OR2M3: variants seen among roughly 807,000 people sequenced by gnomAD.
The protein encoded by OR2M3 is olfactory receptor family 2 subfamily M member 3.
OR2M3 carries 1 observed loss-of-function variant against 4.3 expected under a neutral mutation model. The ratio of observed to expected loss-of-function variants is 0.23; its 90% confidence interval spans 0.08 to 1.11. OR2M3 has a LOEUF of 1.11. Among genes scored for constraint, OR2M3 ranks in the 50% most tolerant of loss-of-function variants. The pLI, the probability that OR2M3 is intolerant of heterozygous loss-of-function variation, is 0.54. For missense variants in OR2M3, 410 were observed against 390.4 expected (o/e 1.05, Z -0.42); for synonymous variants, 151 against 139.4 (o/e 1.08, Z -0.59).
chr1:248,201,183 C>T (rs192714858), intron 1 of OR2M3, among the ~76,000 whole-genome samples: 303 of 152,024 alleles, frequency 2.0e-3, no homozygotes, highest in African/African-American at 6.9e-3. Flanking sequence ...ATTTTAAAAC[C>T]CTGTGTTTTC....
intron 1 of OR2M3, among the ~76,000 whole-genome samples, chr1:248,202,449 T>C (rs1005447289): frequency 1.3e-5 from 2 of 152,184 alleles, no homozygotes; most frequent in African/African-American, 4.8e-5. Flanking sequence ...GAAATACAAC[T>C]CAATCCGTAA....
intron 1 of OR2M3, among the ~76,000 whole-genome samples, chr1:248,202,094 T>C (rs927133959): frequency 2.6e-5 from 4 of 152,180 alleles, no homozygotes; most frequent in Admixed American, 2.6e-4. Context: ...AATTTTATTC[T>C]CTCACAGTTT....
intron 1 of OR2M3, among the ~76,000 whole-genome samples, chr1:248,198,833 T>C (rs1666126103): frequency 6.6e-6 from 1 of 152,184 alleles, no homozygotes. Flanking sequence ...TCATAACTTC[T>C]GTGTTACTAT....
rs1666222228 is a variant in OR2M3 at position 248,206,168 on chromosome 1, G to A, written c.*2162G>A. On this transcript the variant is annotated 3_prime_UTR_variant, in exon 2 of 2. Coordinates refer to ENST00000641626, the MANE Select transcript of OR2M3 (RefSeq NM_001004689.2). ...ATTAATTGTGTGTCCTGAAACTGTT[G>A]AATTTATTTACCAGTTCTAGGAGCT... The A allele has an allele frequency of 6.6e-6, 1 of 151,982 alleles. No individual in the cohort carries two copies. The highest frequency in any genetic ancestry group is 1.5e-5 in the Non-Finnish European group (1 of 67,924). 9.4% of individuals were successfully genotyped at this position (151,982 alleles called of 1,614,324 possible). A position where few individuals can be genotyped will look rare whatever the true frequency, so the allele number is the denominator to read the frequency against.
chr1:248,197,847 A>C (rs1390753190), intron 1 of OR2M3, among the ~76,000 whole-genome samples: 1 of 152,126 alleles, frequency 6.6e-6, no homozygotes, highest in Non-Finnish European at 1.5e-5. Context: ...ATACTGCATA[A>C]AATTACCTTC....
chr1:248,202,476 A>G (rs1300992853), intron 1 of OR2M3, among the ~76,000 whole-genome samples: 2 of 152,194 alleles, frequency 1.3e-5, no homozygotes, highest in Non-Finnish European at 2.9e-5. Flanking sequence ...GCTATGGAAA[A>G]AATGGCCTAG....
intron 1 of OR2M3, among the ~76,000 whole-genome samples, chr1:248,199,806 T>C (rs1666136387): frequency 6.6e-6 from 1 of 152,084 alleles, no homozygotes; most frequent in Admixed American, 6.6e-5. Flanking sequence ...GCAAACTCAA[T>C]GAAGACAATT....
chr1:248,209,031 T>C lies in OR2M3; in HGVS notation c.*5025T>C, dbSNP rs1297294404. The C allele has an allele frequency of 1.3e-5, 2 of 152,186 alleles. No homozygotes were observed. The highest frequency in any genetic ancestry group is 2.9e-5 in the Non-Finnish European group (2 of 68,034). The allele number at this position is 152,186 out of a possible 1,614,324, so 9.4% of individuals were successfully genotyped here. On this transcript the variant is annotated 3_prime_UTR_variant, in exon 2 of 2. Transcript: ENST00000641626. ...GGCTTTGTTTTTAGGTTTTTTTTCT[T>C]GTCTTGAATGAACTGGGTTAATTTG...
Position 248,210,071 on chromosome 1 carries a change from A to G in OR2M3, c.*6065A>G, listed in dbSNP as rs997443086. The G allele has an allele frequency of 6.6e-6, 1 of 151,706 alleles. No individual in the cohort carries two copies. Among genetic ancestry groups the G allele is most frequent in the African/African-American group, 2.4e-5 (1 of 41,018 alleles). The allele number at this position is 151,706 out of a possible 1,614,324, so 9.4% of individuals were successfully genotyped here. ...CCATTGGAGTTATATTCCTAGGGAG[A>G]TTATGGCTGCCTCTGCTGCAACACA... is the stretch of plus-strand genomic sequence containing the variant. On this transcript the variant is annotated 3_prime_UTR_variant, in exon 2 of 2. Coordinates refer to ENST00000641626, the MANE Select transcript of OR2M3 (RefSeq NM_001004689.2).
In OR2M3 at chr1:248,204,112, G is replaced by GT; in HGVS notation, c.*106_*107insT. ...TGGGATTCATTGTGTACATAAATCT[G>GT]CAATGACATATTTATGTGCACCTAT... On this transcript the variant is annotated 3_prime_UTR_variant, in exon 2 of 2. Transcript: ENST00000641626. The GT allele has an allele frequency of 9.6e-7, 1 of 1,042,958 alleles. No homozygotes were observed. The highest frequency in any genetic ancestry group is 1.4e-6 in the Non-Finnish European group (1 of 695,994). 64.6% of individuals were successfully genotyped at this position (1,042,958 alleles called of 1,614,324 possible).
In OR2M3 at chr1:248,211,669, G is replaced by T. The variant is rs111749223; in HGVS notation, c.*7663G>T. 2 of 151,596 alleles carry T rather than the reference G, an allele frequency of 1.3e-5. No homozygotes were observed. Among genetic ancestry groups the T allele is most frequent in the South Asian group, 4.2e-4 (2 of 4,798 alleles). The allele number at this position is 151,596 out of a possible 1,614,324, so 9.4% of individuals were successfully genotyped here. On this transcript the variant is annotated 3_prime_UTR_variant, in exon 2 of 2. Transcript: ENST00000641626. ...CCTCCCAAGTAGCTGAGACTACAGG[G>T]GCCTGCTAATCTCTCAGGGCCCATG... is the stretch of plus-strand genomic sequence containing the variant.
At position 248,211,631 on chromosome 1, in the gene OR2M3, C is replaced by G. The variant is rs1384277954; in HGVS notation, c.*7625C>G. ...CTCCTCCTTCCGGGTTCAAGCAATT[C>G]TCCCTGCCTCAGCCTCCCAAGTAGC... On this transcript the variant is annotated 3_prime_UTR_variant, in exon 2 of 2. Coordinates refer to ENST00000641626, the MANE Select transcript of OR2M3 (RefSeq NM_001004689.2). 1 of 151,844 alleles carries G rather than the reference C, an allele frequency of 6.6e-6. No individual in the cohort carries two copies. Among genetic ancestry groups the G allele is most frequent in the Admixed American group, 6.6e-5 (1 of 15,226 alleles). 9.4% of individuals were successfully genotyped at this position (151,844 alleles called of 1,614,324 possible). A position where few individuals can be genotyped will look rare whatever the true frequency, so the allele number is the denominator to read the frequency against.
Position 248,204,062 on chromosome 1 carries a change from CT to C in OR2M3, c.*57del. On this transcript the variant is annotated 3_prime_UTR_variant, in exon 2 of 2. Transcript: ENST00000641626. ...TGCTAAATCCTTTTTTTAAATGGTC[CT>C]ATTTTTCCATTAAGCCTTGAAAATG... The C allele has an allele frequency of 6.4e-7, 1 of 1,560,624 alleles. No homozygotes were observed. Among genetic ancestry groups the C allele is most frequent in the South Asian group, 1.1e-5 (1 of 88,598 alleles).
rs111749223 is a variant in OR2M3, at chr1:248,211,669, G to A, written c.*7663G>A. 6 of 151,596 alleles carry A rather than the reference G, an allele frequency of 4.0e-5. No homozygotes were observed. Among genetic ancestry groups the A allele is most frequent in the Non-Finnish European group, 5.9e-5 (4 of 67,914 alleles). The allele number at this position is 151,596 out of a possible 1,614,324, so 9.4% of individuals were successfully genotyped here. On this transcript the variant is annotated 3_prime_UTR_variant, in exon 2 of 2. Coordinates refer to ENST00000641626, the MANE Select transcript of OR2M3 (RefSeq NM_001004689.2). The stretch of plus-strand genomic sequence containing the variant: ...CCTCCCAAGTAGCTGAGACTACAGG[G>A]GCCTGCTAATCTCTCAGGGCCCATG...
chr1:248,211,242 T>G lies in OR2M3; in HGVS notation c.*7236T>G, dbSNP rs575806324. 5 of 152,270 alleles carry G rather than the reference T, an allele frequency of 3.3e-5. No individual in the cohort carries two copies. The East Asian group carries it at 9.7e-4, about 29-fold the overall frequency. 9.4% of individuals were successfully genotyped at this position (152,270 alleles called of 1,614,324 possible). ...TCAACCCAGGTGACATCTTAACATT[T>G]GATCTCTAATTACTTCCATCACAAA... On this transcript the variant is annotated 3_prime_UTR_variant, in exon 2 of 2. Coordinates refer to ENST00000641626, the MANE Select transcript of OR2M3 (RefSeq NM_001004689.2).
In OR2M3 at chr1:248,203,479, C is replaced by A. The variant is rs1329356796; in HGVS notation, c.412C>A (p.Pro138Thr). 1 of 1,613,732 alleles carries A rather than the reference C, an allele frequency of 6.2e-7. No homozygotes were observed. The highest frequency in any genetic ancestry group is 2.2e-5 in the East Asian group (1 of 44,866). The change falls in exon 2 of 2, where the codon CCT (proline) becomes ACT (threonine). Residue 138 changes from proline (P) to threonine (T), a missense_variant. Coordinates refer to ENST00000641626, the MANE Select transcript of OR2M3 (RefSeq NM_001004689.2). ...HPLRYTNLMS[P>T]KICGLMTAFS... ...TCTAAGATACACCAATCTCATGAGC[C>A]CTAAAATTTGTGGACTTATGACTGC...
chr1:248,201,445 T>A (rs987276584), intron 1 of OR2M3, among the ~76,000 whole-genome samples: 1 of 152,092 alleles, frequency 6.6e-6, no homozygotes, highest in Non-Finnish European at 1.5e-5. Flanking sequence ...CTTTTTTTAT[T>A]ATTTTTATTA....
At chr1:248,202,900 C>T (rs889590028) in intron 1 of OR2M3, 150 bp from the exon 2 acceptor site, 7 of 695,794 alleles carry the variant, frequency 1.0e-5, no homozygotes, top group South Asian at 6.6e-5. Flanking sequence ...GAACATATTT[C>T]GTTCAGATTC....
At position 248,211,653 on chromosome 1, in the gene OR2M3, T is replaced by A. The variant is rs1666284459; in HGVS notation, c.*7647T>A. The stretch of plus-strand genomic sequence containing the variant: ...ATTCTCCCTGCCTCAGCCTCCCAAG[T>A]AGCTGAGACTACAGGGGCCTGCTAA... On this transcript the variant is annotated 3_prime_UTR_variant, in exon 2 of 2. Transcript: ENST00000641626. 1 of 152,086 alleles carries A rather than the reference T, an allele frequency of 6.6e-6. No individual in the cohort carries two copies. Among genetic ancestry groups the A allele is most frequent in the Admixed American group, 6.6e-5 (1 of 15,254 alleles). The allele number at this position is 152,086 out of a possible 1,614,324, so 9.4% of individuals were successfully genotyped here. A position where few individuals can be genotyped will look rare whatever the true frequency, so the allele number is the denominator to read the frequency against.
Sources: allele counts gnomAD v4.1 joint callset (sites outside exome capture counted in the v4.1 genomes callset), GRCh38; gene constraint gnomAD v4.1.1; transcripts MANE v1.5; gene names NCBI Gene and HGNC (gene_info 2026-07-23, HGNC 2026-07-21).